Variants in CDK14 observed in about 807,000 individuals in gnomAD.
CDK14 encodes the protein cyclin dependent kinase 14.
CDK14 carries 34 observed loss-of-function variants against 60.7 expected under a neutral mutation model. The observed-to-expected ratio is 0.56, with a 90% CI of 0.43 to 0.75. The LOEUF (loss-of-function observed/expected upper bound fraction) is 0.75. Among genes scored for constraint, CDK14 ranks in the 30% least tolerant of loss-of-function variants. The pLI, the probability that CDK14 is intolerant of heterozygous loss-of-function variation, is 0.00. For missense variants in CDK14, 482 were observed against 564.1 expected, an observed-to-expected ratio of 0.85 and a Z score of 1.47; for synonymous variants, 197 against 203.7, an observed-to-expected ratio of 0.97 and a Z score of 0.28.
chr7:91,194,673 C>T (rs1264108146), intron 14 of CDK14, among the ~76,000 whole-genome samples: 1 of 152,120 alleles, frequency 6.6e-6, no homozygotes, highest in Non-Finnish European at 1.5e-5. Flanking sequence ...AAACAAACAG[C>T]ATAACCCAGA....
intron 2 of CDK14, among the ~76,000 whole-genome samples, chr7:90,684,915 C>A (rs1801399199): frequency 1.3e-5 from 2 of 150,896 alleles, no homozygotes; most frequent in African/African-American, 4.9e-5. Context: ...TATATATATT[C>A]ATATTTTCAT....
intron 2 of CDK14, among the ~76,000 whole-genome samples, chr7:90,622,995 G>T: frequency 7.0e-6 from 1 of 142,144 alleles, no homozygotes; most frequent in Non-Finnish European, 1.5e-5. Context: ...TTCTATTTAT[G>T]ACAATTGTGT....
intron 10 of CDK14, among the ~76,000 whole-genome samples, chr7:91,033,097 A>T (rs1796810885): frequency 6.6e-6 from 1 of 152,190 alleles, no homozygotes; most frequent in Non-Finnish European, 1.5e-5. Context: ...CATTGGCCTC[A>T]AGTTTGCAGC....
chr7:90,701,984 A>G (rs189350053), intron 2 of CDK14, among the ~76,000 whole-genome samples: 7 of 152,190 alleles, frequency 4.6e-5, no homozygotes, highest in African/African-American at 1.7e-4. Flanking sequence ...GCTACCATCA[A>G]GGGTGGAGGG....
chr7:91,051,672 G>C (rs1797395099), intron 11 of CDK14, among the ~76,000 whole-genome samples: 1 of 152,184 alleles, frequency 6.6e-6, no homozygotes. Flanking sequence ...CACAAAGTGA[G>C]AGTCCACTGT....
intron 8 of CDK14, among the ~76,000 whole-genome samples, chr7:90,923,027 T>C (rs927266938): frequency 1.3e-5 from 2 of 152,094 alleles, no homozygotes; most frequent in African/African-American, 4.8e-5. Flanking sequence ...ATTCCAGAGT[T>C]TACATTAGGG....
intron 9 of CDK14, among the ~76,000 whole-genome samples, chr7:90,968,674 C>A (rs1478141385): frequency 6.6e-6 from 1 of 152,054 alleles, no homozygotes; most frequent in Non-Finnish European, 1.5e-5. Context: ...TATTCATAGC[C>A]TAATGGAAAC....
chr7:90,665,886 T>C (rs1012762548), intron 2 of CDK14, among the ~76,000 whole-genome samples: 5 of 152,326 alleles, frequency 3.3e-5, no homozygotes, highest in South Asian at 4.1e-4. Context: ...ACAGGACTTA[T>C]CTCGATAAAA....
At chr7:90,925,138 A>C (rs547985179) in intron 8 of CDK14, among the ~76,000 whole-genome samples, 1 of 152,234 alleles carries the variant, frequency 6.6e-6, no homozygotes, top group Admixed American at 6.5e-5. Flanking sequence ...AAAAATTCAA[A>C]CTTTAAAAAT....
chr7:90,758,627 C>T (rs1015989747), intron 4 of CDK14, among the ~76,000 whole-genome samples: 5 of 151,968 alleles, frequency 3.3e-5, no homozygotes, highest in African/African-American at 9.7e-5. Flanking sequence ...TTTATGCTGT[C>T]GGTGAAAAAG....
chr7:90,836,423 T>C (rs1208184909), intron 5 of CDK14, among the ~76,000 whole-genome samples: 1 of 152,146 alleles, frequency 6.6e-6, no homozygotes, highest in African/African-American at 2.4e-5. Flanking sequence ...AGCCTTGGAT[T>C]CATGGGGTCA....
chr7:90,602,105 T>G (rs535651499), intron 1 of CDK14, among the ~76,000 whole-genome samples: 1 of 152,180 alleles, frequency 6.6e-6, no homozygotes, highest in South Asian at 2.1e-4. Flanking sequence ...CTGCACCTGG[T>G]GGGGTAGTGT....
intron 11 of CDK14, among the ~76,000 whole-genome samples, chr7:91,052,851 G>A (rs890541438): frequency 2.6e-5 from 4 of 152,160 alleles, no homozygotes; most frequent in East Asian, 3.9e-4. Context: ...GTCTCCCAAC[G>A]AATGAAATAA....
intron 2 of CDK14, among the ~76,000 whole-genome samples, chr7:90,658,080 C>G (rs1021008292): frequency 6.6e-6 from 1 of 152,080 alleles, no homozygotes; most frequent in African/African-American, 2.4e-5. Flanking sequence ...AAAATGAAAC[C>G]CTGTGCCTGC....
chr7:91,170,248 A>C (rs771024855), intron 14 of CDK14, among the ~76,000 whole-genome samples: 1 of 152,050 alleles, frequency 6.6e-6, no homozygotes, highest in Non-Finnish European at 1.5e-5. Flanking sequence ...AATAATAATA[A>C]ATGCTCATTT....
intron 2 of CDK14, among the ~76,000 whole-genome samples, chr7:90,639,992 G>A (rs1800280238): frequency 1.3e-5 from 2 of 152,092 alleles, no homozygotes; most frequent in South Asian, 4.1e-4. Flanking sequence ...ATTCGGGTGG[G>A]AGAGGCCTGA....
intron 8 of CDK14, among the ~76,000 whole-genome samples, chr7:90,930,833 A>T (rs574667575): frequency 1.3e-5 from 2 of 152,044 alleles, no homozygotes; most frequent in South Asian, 2.1e-4. Flanking sequence ...CCCCCTCTTT[A>T]ATGTGAGAGC....
intron 6 of CDK14, among the ~76,000 whole-genome samples, chr7:90,892,476 C>A (rs1224101161): frequency 2.6e-5 from 4 of 152,170 alleles, no homozygotes; most frequent in African/African-American, 9.6e-5. Context: ...TGTGAAAATG[C>A]CTATTAGTAA....
In CDK14 at chr7:91,210,023, G is replaced by A. The variant is rs1803019307; in HGVS notation, c.*2887G>A. 6.6e-6 allele frequency: 1 copy of A among 152,550 alleles called. No homozygotes were observed. The highest frequency in any genetic ancestry group is 2.4e-5 in the African/African-American group (1 of 41,406). 9.4% of individuals were successfully genotyped at this position (152,550 alleles called of 1,614,324 possible). On this transcript the variant is annotated 3_prime_UTR_variant, in exon 15 of 15. Transcript: ENST00000380050. ...TGATACTCATCTGTGAATATTATTG[G>A]TTTTGTAATCTTTGTTATATAAGAG...
Sources: gnomAD v4.1 joint callset for allele counts (sites outside exome capture counted in the v4.1 genomes callset) on GRCh38, gnomAD v4.1.1 for gene constraint, MANE v1.5 for transcripts, NCBI Gene and HGNC (gene_info 2026-07-23, HGNC 2026-07-21) for gene names.